The following ZIC4 variants were observed in gnomAD, a reference collection of about 807,000 sequenced individuals.
The protein encoded by ZIC4 is zinc finger protein ZIC 4.
In ZIC4, 15 loss-of-function variants were observed where a neutral mutation model predicts 28.8. That is an observed-to-expected ratio of 0.52 (90% CI 0.35 to 0.80). The LOEUF is 0.80. Among genes scored for constraint, ZIC4 ranks in the 30% least tolerant of loss-of-function variants. The pLI is 0.01. For synonymous variants in ZIC4, 220 were observed against 198.1 expected, an observed-to-expected ratio of 1.11 and a Z score of -0.93; for missense variants, 512 against 467.1, an observed-to-expected ratio of 1.10 and a Z score of -0.89.
chr3:147,404,168 C>A, intron 1 of ZIC4: 1 of 1,514,184 alleles, frequency 6.6e-7, no homozygotes. Context: ...GGTTGGTTGG[C>A]AATAATAGAA....
At chr3:147,405,358 C>A (rs771410580) in intron 1 of ZIC4, 17 of 1,530,754 alleles carry the variant, frequency 1.1e-5, no homozygotes, top group Middle Eastern at 1.7e-4. Flanking sequence ...TGTCGGAAAG[C>A]GGGGAAAACA....
intron 2 of ZIC4, 126 bp downstream of exon 2, chr3:147,402,602 C>T (rs931292926): frequency 5.2e-6 from 4 of 768,238 alleles, no homozygotes; most frequent in Non-Finnish European, 8.1e-6. Context: ...ACTCAAGAAA[C>T]TCCCCCCAAA....
rs911150888 is a variant in ZIC4 at position 147,396,709 on chromosome 3, G to T, written c.71-240C>A. On this transcript the variant is annotated intron_variant, in intron 2 of 4. Transcript: ENST00000383075. This position sits in a 1 kb window ranked among gnomAD's most constrained non-coding sequence, Gnocchi z 4.2. ...CCCGCCGCGCCATGAGCTAGAGAGGGATGGTAGCGGCAGAGTAGATGTAAG... is the reference window on the plus strand; with the variant it reads ...CCCGCCGCGCCATGAGCTAGAGAGGTATGGTAGCGGCAGAGTAGATGTAAG... The T allele has an allele frequency of 4.2e-6, 2 of 478,164 alleles. No individual in the cohort carries two copies. Among genetic ancestry groups the T allele is most frequent in the Non-Finnish European group, 3.6e-6 (1 of 277,208 alleles). 29.6% of individuals were successfully genotyped at this position (478,164 alleles called of 1,614,324 possible). A position where few individuals can be genotyped will look rare whatever the true frequency, so the allele number is the denominator to read the frequency against.
At position 147,396,771 on chromosome 3, in the gene ZIC4, C is replaced by T; in HGVS notation, c.71-302G>A. The T allele has an allele frequency of 3.2e-6, 1 of 312,684 alleles. No individual in the cohort carries two copies. Among genetic ancestry groups the T allele is most frequent in the Non-Finnish European group, 5.9e-6 (1 of 170,920 alleles). The allele number at this position is 312,684 out of a possible 1,614,324, so 19.4% of individuals were successfully genotyped here. On this transcript the variant is annotated intron_variant, in intron 2 of 4. Coordinates refer to ENST00000383075, the MANE Select transcript of ZIC4 (RefSeq NM_032153.6). The surrounding 1 kb of genome is among the most constrained non-coding windows in gnomAD (Gnocchi z 4.2). ...GGCGCAGGGCTGAGTCTGTGGGTTG[C>T]TGGGGGTTCTGCTCCAGAGGGGTAG...
chr3:147,392,517 G>A (rs2086948606), intron 3 of ZIC4: 2 of 888,446 alleles, frequency 2.3e-6, no homozygotes, highest in Admixed American at 6.2e-5. Flanking sequence ...GCGGAAATGG[G>A]GGAAGAAGGT....
At chr3:147,398,461 A>T (rs968480608) in intron 2 of ZIC4, among the ~76,000 whole-genome samples, 3 of 150,912 alleles carry the variant, frequency 2.0e-5, no homozygotes, top group Non-Finnish European at 4.4e-5. Flanking sequence ...TCGGTTGGTT[A>T]AAAAAAACTT....
chr3:147,390,853 G>A lies in ZIC4; in HGVS notation c.1004+78C>T, dbSNP rs62001025. 6.6e-4 allele frequency: 990 copies of A among 1,492,456 alleles called. 3 individuals carry two copies. The African/African-American group carries it at 0.012, about 18-fold the overall frequency. The allele number at this position is 1,492,456 out of a possible 1,614,324, so 92.5% of individuals were successfully genotyped here. On this transcript the variant is annotated intron_variant, in intron 4 of 4. Transcript: ENST00000383075. ...AATACCGGAGGCGGCGGCGGCAGCA[G>A]CAGGGCCAGGTGGTAGCTCGGGGCT...
chr3:147,389,200 G>C (rs921605361), intron 4 of ZIC4: 3 of 367,610 alleles, frequency 8.2e-6, no homozygotes, highest in Non-Finnish European at 1.5e-5. Context: ...TTCACTAAAG[G>C]TGTATTTGGA....
At chr3:147,399,796 G>A (rs1359728201) in intron 2 of ZIC4, among the ~76,000 whole-genome samples, 1 of 151,560 alleles carries the variant, frequency 6.6e-6, no homozygotes, top group Admixed American at 6.6e-5. Context: ...CTCCCAAGTA[G>A]CTGGGATTAC....
chr3:147,394,529 C>A (rs1013317714), intron 3 of ZIC4, among the ~76,000 whole-genome samples: 1 of 151,510 alleles, frequency 6.6e-6, no homozygotes, highest in Non-Finnish European at 1.5e-5. Context: ...CTCAGGACTG[C>A]GAGTCTACCT....
At position 147,393,510 on chromosome 3, in the gene ZIC4, G is replaced by C. The variant is rs575304406; in HGVS notation, c.689-2264C>G. The C allele has an allele frequency of 3.3e-3, 653 of 200,090 alleles. 2 individuals are homozygous for C. Among genetic ancestry groups the C allele is most frequent in the Non-Finnish European group, 5.0e-3 (482 of 96,492 alleles). 12.4% of individuals were successfully genotyped at this position (200,090 alleles called of 1,614,324 possible). A position where few individuals can be genotyped will look rare whatever the true frequency, so the allele number is the denominator to read the frequency against. ...CTGCAGCCCGCTCGGAGCGTCCTAG[G>C]CCCGGGGCTGCGCTGTGAAAGACCC... On this transcript the variant is annotated intron_variant, in intron 3 of 4. Transcript: ENST00000383075.
chr3:147,388,619 A>G lies in ZIC4; in HGVS notation c.*240T>C. ...AAAATATATACTTGTATACACAAGAAAAAAGGTCTGTTAGACGTAAATATT... is the reference window on the plus strand; with the variant it reads ...AAAATATATACTTGTATACACAAGAGAAAAGGTCTGTTAGACGTAAATATT... On this transcript the variant is annotated 3_prime_UTR_variant, in exon 5 of 5. Transcript: ENST00000383075. 2.0e-6 allele frequency: 1 copy of G among 503,030 alleles called. No homozygotes were observed. Among genetic ancestry groups the G allele is most frequent in the Non-Finnish European group, 3.5e-6 (1 of 284,384 alleles). The allele number at this position is 503,030 out of a possible 1,614,324, so 31.2% of individuals were successfully genotyped here. A position where few individuals can be genotyped will look rare whatever the true frequency, so the allele number is the denominator to read the frequency against.
At chr3:147,397,352 C>G (rs561357561) in intron 2 of ZIC4, among the ~76,000 whole-genome samples, 1 of 152,028 alleles carries the variant, frequency 6.6e-6, no homozygotes, top group African/African-American at 2.4e-5. Context: ...CTCACACTTC[C>G]CTGCTCCAAC....
rs1187055608 is a variant in ZIC4 at position 147,396,372 on chromosome 3, G to T, written c.168C>A (p.Ser56Arg). Residue 56 changes from serine (S) to arginine (R), a missense_variant, in exon 3 of 5, where the codon AGC (serine) becomes AGA (arginine). Around this residue, in one of 3 missense-constraint regions of ZIC4, gnomAD observed 310 missense variants for 256.5 expected, o/e 1.21. Transcript: ENST00000383075. This position sits in a 1 kb window ranked among gnomAD's most constrained non-coding sequence, Gnocchi z 4.2. ...GACGCAGGAGTCCATTCAAAGGACGGCTGGGGGAGGCCTGGGGAGGCTCCT... is the reference window on the plus strand; with the variant it reads ...GACGCAGGAGTCCATTCAAAGGACGTCTGGGGGAGGCCTGGGGAGGCTCCT... ...LHEEPPQASP[S>R]RPLNGLLRLG... is the part of the protein sequence containing the mutation. The T allele has an allele frequency of 6.5e-7, 1 of 1,543,366 alleles. No homozygotes were observed. The highest frequency in any genetic ancestry group is 8.7e-7 in the Non-Finnish European group (1 of 1,149,142).
chr3:147,396,266 C>T lies in ZIC4; in HGVS notation c.274G>A (p.Ala92Thr), dbSNP rs541468085. ...PAARSDALAAAAALHGYGGMN... is the reference protein window; with the variant it reads ...PAARSDALAATAALHGYGGMN... ...CCCCCGTAGCCATGCAGGGCTGCGG[C>T]AGCTGCCAGGGCGTCGCTGCGGGCC... Residue 92 changes from alanine (A) to threonine (T), a missense_variant, in exon 3 of 5, where the codon GCC (alanine) becomes ACC (threonine). By Grantham distance (58) the Ala-to-Thr change is moderately conservative (BLOSUM62 0). Coordinates refer to ENST00000383075, the MANE Select transcript of ZIC4 (RefSeq NM_032153.6). This position sits in a 1 kb window ranked among gnomAD's most constrained non-coding sequence, Gnocchi z 4.2. The T allele has an allele frequency of 1.2e-6, 2 of 1,611,608 alleles. No individual in the cohort carries two copies. Among genetic ancestry groups the T allele is most frequent in the African/African-American group, 1.3e-5 (1 of 74,972 alleles).
chr3:147,390,895 G>A (rs1002945856), intron 4 of ZIC4, 36 bp downstream of exon 4: 8 of 1,565,642 alleles, frequency 5.1e-6, no homozygotes, highest in South Asian at 1.2e-5. Flanking sequence ...CGCGGCGGGG[G>A]CAGCCGCTAT....
At position 147,388,751 on chromosome 3, in the gene ZIC4, T is replaced by A. The variant is rs2086844907; in HGVS notation, c.*108A>T. 1 of 724,320 alleles carries A rather than the reference T, an allele frequency of 1.4e-6. No homozygotes were observed. Among genetic ancestry groups the A allele is most frequent in the Non-Finnish European group, 2.5e-6 (1 of 393,922 alleles). The allele number at this position is 724,320 out of a possible 1,614,324, so 44.9% of individuals were successfully genotyped here. On this transcript the variant is annotated 3_prime_UTR_variant, in exon 5 of 5. Coordinates refer to ENST00000383075, the MANE Select transcript of ZIC4 (RefSeq NM_032153.6). ...CCTAACTTACCATGAAGATGCACCG[T>A]GGCGAAGAAACACTGCTTTGTGCGC...
chr3:147,404,253 A>AC, intron 1 of ZIC4: 1 of 1,437,070 alleles, frequency 7.0e-7, no homozygotes, highest in Non-Finnish European at 9.1e-7. Flanking sequence ...GGCAGCCCCA[A>AC]CCCAACTTCT....
rs758147597 is a variant in ZIC4, at chr3:147,396,413, A to G, written c.127T>C (p.Phe43Leu). Residue 43 changes from phenylalanine (F) to leucine (L), a missense_variant, in exon 3 of 5, where the codon TTC (phenylalanine) becomes CTC (leucine). Physicochemically the swap from Phe to Leu is conservative, Grantham distance 22 (BLOSUM62 0). Transcript: ENST00000383075. The surrounding 1 kb of genome is among the most constrained non-coding windows in gnomAD (Gnocchi z 4.2). ...QLTAASSPSVFPGLHEEPPQA... is the reference protein window; with the variant it reads ...QLTAASSPSVLPGLHEEPPQA... ...GGAGGCTCCTCGTGGAGGCCCGGGA[A>G]CACCGAGGGGCTGGAGGCGGCGGTG... 19 of 1,523,526 alleles carry G rather than the reference A, an allele frequency of 1.2e-5. No individual in the cohort carries two copies. The highest frequency in any genetic ancestry group is 1.6e-5 in the Non-Finnish European group (18 of 1,139,694). The allele number at this position is 1,523,526 out of a possible 1,614,324, so 94.4% of individuals were successfully genotyped here. A position where few individuals can be genotyped will look rare whatever the true frequency, so the allele number is the denominator to read the frequency against.
Sources: allele counts gnomAD v4.1 joint callset (sites outside exome capture counted in the v4.1 genomes callset), GRCh38; gene constraint gnomAD v4.1.1; regional missense constraint gnomAD v4.1.1; non-coding constraint Gnocchi (gnomAD v3.1); transcripts MANE v1.5; gene names NCBI Gene and HGNC (gene_info 2026-07-23, HGNC 2026-07-21).